Variants in HIVEP3 observed in about 807,000 individuals in gnomAD.
HIVEP3 encodes transcription factor HIVEP3.
HIVEP3 carries 49 observed loss-of-function variants against 152.8 expected under a neutral mutation model. The ratio of observed to expected loss-of-function variants is 0.32; its 90% CI spans 0.26 to 0.41. The LOEUF (loss-of-function observed/expected upper bound fraction) is 0.41, where lower values mean the gene tolerates loss of function less well. Among genes scored for constraint, HIVEP3 ranks in the 10% least tolerant of loss-of-function variants. HIVEP3 has a pLI of 1.00. For missense variants in HIVEP3, 2,790 were observed against 3,103.3 expected, an observed-to-expected ratio of 0.90 and a Z score of 2.40; for synonymous variants, 1,269 against 1,289.0, an observed-to-expected ratio of 0.98 and a Z score of 0.33.
intron 3 of HIVEP3, among the ~76,000 whole-genome samples, chr1:41,619,594 C>T (rs563885899): frequency 6.6e-6 from 1 of 152,272 alleles, no homozygotes; most frequent in South Asian, 2.1e-4. Flanking sequence ...TGACCTACCT[C>T]TTTGAGGATG....
chr1:41,660,011 C>T (rs1490193294), intron 2 of HIVEP3, among the ~76,000 whole-genome samples: 1 of 152,144 alleles, frequency 6.6e-6, no homozygotes, highest in Non-Finnish European at 1.5e-5. Context: ...TATACAGGAT[C>T]GCATAAGTGA....
At chr1:41,881,084 T>C (rs936594260) in intron 1 of HIVEP3, among the ~76,000 whole-genome samples, 11 of 152,202 alleles carry the variant, frequency 7.2e-5, no homozygotes, top group African/African-American at 2.2e-4. Flanking sequence ...AGGAGTTGGC[T>C]GTGACAAAGG....
At position 41,510,143 on chromosome 1, in the gene HIVEP3, G is replaced by A. The variant is rs1292044380; in HGVS notation, c.*308C>T. 2.3e-5 allele frequency: 6 copies of A among 256,708 alleles called. No homozygotes were observed. The highest frequency in any genetic ancestry group is 4.4e-5 in the Non-Finnish European group (6 of 137,188). 15.9% of individuals were successfully genotyped at this position (256,708 alleles called of 1,614,324 possible). A position where few individuals can be genotyped will look rare whatever the true frequency, so the allele number is the denominator to read the frequency against. The stretch of plus-strand genomic sequence containing the variant: ...GGGTGGCTGCCAACCACAGCGGGGA[G>A]GGTCAGGAGGCTTCACCATCAGCCT... On this transcript the variant is annotated 3_prime_UTR_variant, in exon 9 of 9. Transcript: ENST00000372583.
chr1:41,561,100 T>C (rs1212352194), intron 5 of HIVEP3, among the ~76,000 whole-genome samples: 1 of 152,196 alleles, frequency 6.6e-6, no homozygotes, highest in East Asian at 1.9e-4. Flanking sequence ...TGCCAAGCTC[T>C]GCTGTTTCCA....
At position 41,825,582 on chromosome 1, in the gene HIVEP3, T is replaced by G. The variant is rs965649397; in HGVS notation, c.-801+92831A>C. On this transcript the variant is annotated intron_variant, in intron 1 of 8. Coordinates refer to ENST00000372583, the MANE Select transcript of HIVEP3 (RefSeq NM_024503.5). ...CACTGCACCTGGCCAAAGTGAGATA[T>G]ATATATATATATTCATTTAATTCTC... Among the ~76,000 whole-genome samples the G allele has an allele frequency of 3.3e-3, 506 of 151,402 alleles. 2 individuals carry two copies. Among genetic ancestry groups the G allele is most frequent in the African/African-American group, 0.012 (488 of 41,298 alleles).
At chr1:41,757,631 A>G (rs1647397658) in intron 1 of HIVEP3, among the ~76,000 whole-genome samples, 1 of 152,126 alleles carries the variant, frequency 6.6e-6, no homozygotes, top group Non-Finnish European at 1.5e-5. Flanking sequence ...AGGGGAATGG[A>G]GGAATTTTGG....
At chr1:41,850,091 TA>T (rs1643555368) in intron 1 of HIVEP3, among the ~76,000 whole-genome samples, 1 of 152,202 alleles carries the variant, frequency 6.6e-6, no homozygotes, top group South Asian at 2.1e-4. Context: ...GAGTTTTGGT[TA>T]CACTCCTACG....
chr1:41,678,173 C>T (rs775390134), intron 2 of HIVEP3, among the ~76,000 whole-genome samples: 23 of 152,200 alleles, frequency 1.5e-4, no homozygotes, highest in Non-Finnish European at 2.9e-4. Flanking sequence ...TGTTTACTCT[C>T]GGCGATCCCC....
intron 1 of HIVEP3, among the ~76,000 whole-genome samples, chr1:42,019,633 T>C (rs1645542745): frequency 6.6e-6 from 1 of 152,040 alleles, no homozygotes; most frequent in Non-Finnish European, 1.5e-5. Flanking sequence ...ATAGTTTATC[T>C]ATAGATTCTT....
intron 3 of HIVEP3, among the ~76,000 whole-genome samples, chr1:41,588,587 G>C (rs1475747582): frequency 6.6e-6 from 1 of 152,002 alleles, no homozygotes; most frequent in African/African-American, 2.4e-5. Context: ...TGACTACAGG[G>C]CCAGCACTGC....
intron 1 of HIVEP3, among the ~76,000 whole-genome samples, chr1:41,893,114 T>C (rs1570754005): frequency 8.4e-6 from 1 of 119,428 alleles, no homozygotes; most frequent in Non-Finnish European, 1.6e-5. Flanking sequence ...CAAAGCAAGA[T>C]CTCGTCTCAA....
intron 1 of HIVEP3, among the ~76,000 whole-genome samples, chr1:41,829,739 C>A (rs913780552): frequency 3.3e-5 from 5 of 151,434 alleles, no homozygotes; most frequent in Admixed American, 1.3e-4. Context: ...TTTGAAGAGT[C>A]CATATAATTT....
intron 4 of HIVEP3, among the ~76,000 whole-genome samples, chr1:41,577,005 C>A (rs368403115): frequency 6.6e-6 from 1 of 152,160 alleles, no homozygotes; most frequent in African/African-American, 2.4e-5. Flanking sequence ...TTCCACTGCA[C>A]CCCGGCCTGA....
At chr1:41,513,785 T>C in intron 7 of HIVEP3, 35 bp from the exon 8 acceptor site, 2 of 1,495,868 alleles carry the variant, frequency 1.3e-6, no homozygotes, top group Non-Finnish European at 1.8e-6. Flanking sequence ...AGGTCACAGT[T>C]GGGCCTTGGC....
At chr1:41,998,887 C>CT (rs1184823372) in intron 1 of HIVEP3, among the ~76,000 whole-genome samples, 3,998 of 76,978 alleles carry the variant, frequency 0.052, 679 homozygotes, top group African/African-American at 0.2. Flanking sequence ...TTTTCTCTCT[C>CT]TCTTTTTTTT....
chr1:41,989,068 G>A (rs536618766), intron 1 of HIVEP3, among the ~76,000 whole-genome samples: 1 of 152,268 alleles, frequency 6.6e-6, no homozygotes, highest in East Asian at 1.9e-4. Flanking sequence ...GATAGTGGGG[G>A]ATGGGTTGGA....
intron 1 of HIVEP3, among the ~76,000 whole-genome samples, chr1:41,849,887 C>T (rs1643548237): frequency 6.6e-6 from 1 of 152,096 alleles, no homozygotes; most frequent in Non-Finnish European, 1.5e-5. Context: ...CATGGGGTTT[C>T]ACCATGTTGG....
intron 6 of HIVEP3, among the ~76,000 whole-genome samples, chr1:41,521,097 C>G (rs768893764): frequency 2.0e-5 from 3 of 152,284 alleles, no homozygotes; most frequent in Non-Finnish European, 4.4e-5. Flanking sequence ...CAGCTGTGGG[C>G]TCTTGGGCAA....
chr1:42,000,801 G>A (rs985939382), intron 1 of HIVEP3, among the ~76,000 whole-genome samples: 1 of 152,206 alleles, frequency 6.6e-6, no homozygotes, highest in East Asian at 1.9e-4. Flanking sequence ...TAGAGAAGCA[G>A]AGCAACCAAT....
Sources: allele counts gnomAD v4.1 joint callset (sites outside exome capture counted in the v4.1 genomes callset), GRCh38; gene constraint gnomAD v4.1.1; transcripts MANE v1.5; gene names NCBI Gene and HGNC (gene_info 2026-07-23, HGNC 2026-07-21).